ADGRV1: variants seen among roughly 807,000 people sequenced by gnomAD.
ADGRV1 encodes adhesion G protein-coupled receptor V1.
ADGRV1 carries 359 observed loss-of-function variants against 596.2 expected under a neutral mutation model. That is an observed-to-expected ratio of 0.60 (90% CI 0.55 to 0.66). ADGRV1 has a LOEUF of 0.66. Among genes scored for constraint, ADGRV1 ranks in the 30% least tolerant of loss-of-function variants. ADGRV1 has a pLI of 0.00. For missense variants in ADGRV1, 7,274 were observed against 7,575.6 expected (o/e 0.96, Z 1.48); for synonymous variants, 2,681 against 2,679.2 (o/e 1.00, Z -0.02).
At chr5:91,069,058 A>G (rs1160765889) in intron 85 of ADGRV1, among the ~76,000 whole-genome samples, 3 of 152,210 alleles carry the variant, frequency 2.0e-5, no homozygotes, top group Non-Finnish European at 2.9e-5. Context: ...TCTCTATTCA[A>G]TAAATGGTGC....
At chr5:90,915,583 G>T (rs527567183) in intron 83 of ADGRV1, among the ~76,000 whole-genome samples, 4 of 152,212 alleles carry the variant, frequency 2.6e-5, no homozygotes, top group African/African-American at 7.2e-5. Flanking sequence ...CGCTGATTGT[G>T]AGATTGGTGG....
intron 1 of ADGRV1, among the ~76,000 whole-genome samples, chr5:90,572,102 G>A (rs1385415597): frequency 1.3e-5 from 2 of 152,102 alleles, no homozygotes; most frequent in African/African-American, 4.8e-5. Context: ...TGGAATCACT[G>A]TCAGTTTTTG....
intron 76 of ADGRV1, among the ~76,000 whole-genome samples, chr5:90,825,344 A>G (rs1763984293): frequency 6.6e-6 from 1 of 152,162 alleles, no homozygotes; most frequent in African/African-American, 2.4e-5. Flanking sequence ...TTTATAAAAC[A>G]TTATCTGTTC....
At chr5:90,682,007 C>T (rs911293514) in intron 27 of ADGRV1, among the ~76,000 whole-genome samples, 1 of 152,084 alleles carries the variant, frequency 6.6e-6, no homozygotes, top group Non-Finnish European at 1.5e-5. Context: ...GCTGGGATTA[C>T]AGGCATGCAC....
chr5:90,886,137 G>A (rs893721189), intron 83 of ADGRV1, among the ~76,000 whole-genome samples: 2 of 152,130 alleles, frequency 1.3e-5, no homozygotes, highest in African/African-American at 4.8e-5. Context: ...TCGTTCTGGA[G>A]GCTGGCTATT....
At chr5:90,996,237 A>G (rs907754866) in intron 85 of ADGRV1, among the ~76,000 whole-genome samples, 1 of 152,154 alleles carries the variant, frequency 6.6e-6, no homozygotes, top group African/African-American at 2.4e-5. Context: ...GAGGCCTGGG[A>G]GGGAAAAATG....
chr5:90,876,536 A>T (rs1345910555), intron 83 of ADGRV1, among the ~76,000 whole-genome samples: 2 of 152,200 alleles, frequency 1.3e-5, no homozygotes, highest in African/African-American at 4.8e-5. Flanking sequence ...AACTCACTAG[A>T]TACTCGTGAA....
chr5:91,072,745 A>G lies in ADGRV1; in HGVS notation c.18310+141A>G, dbSNP rs1430261321. ...GCCACAAGTTAAGCTATAGCTCTCCAGTTTCTCCTGCTTCTTGGTACCTCT... is the reference window on the plus strand; with the variant it reads ...GCCACAAGTTAAGCTATAGCTCTCCGGTTTCTCCTGCTTCTTGGTACCTCT... On this transcript the variant is annotated intron_variant, in intron 86 of 89. Transcript: ENST00000405460. 3 of 754,182 alleles carry G rather than the reference A, an allele frequency of 4.0e-6. No individual in the cohort carries two copies. The African/African-American group carries it at 5.2e-5, about 13-fold the overall frequency. The allele number at this position is 754,182 out of a possible 1,614,324, so 46.7% of individuals were successfully genotyped here. A position where few individuals can be genotyped will look rare whatever the true frequency, so the allele number is the denominator to read the frequency against.
At chr5:91,018,133 G>A (rs184957746) in intron 85 of ADGRV1, among the ~76,000 whole-genome samples, 61 of 151,942 alleles carry the variant, frequency 4.0e-4, no homozygotes, top group African/African-American at 1.4e-3. Flanking sequence ...GTTCTGAAAG[G>A]GAAGGAAATA....
At chr5:90,867,749 G>A (rs892919333) in intron 83 of ADGRV1, among the ~76,000 whole-genome samples, 2 of 152,152 alleles carry the variant, frequency 1.3e-5, no homozygotes, top group African/African-American at 4.8e-5. Context: ...AGACACATAT[G>A]TAACAAGCAT....
At chr5:90,719,413 C>T (rs1401332008) in intron 43 of ADGRV1, among the ~76,000 whole-genome samples, 5 of 152,126 alleles carry the variant, frequency 3.3e-5, no homozygotes, top group African/African-American at 4.8e-5. Flanking sequence ...GTCTCTTCCC[C>T]TTTCCAGAGG....
Position 91,085,731 on chromosome 5 carries a change from TTC to T in ADGRV1, c.18310+13134_18310+13135del, listed in dbSNP as rs1406682073. On this transcript the variant is annotated intron_variant, in intron 86 of 89. Transcript: ENST00000405460. ...CACAACTGCCTCACATCTTAAATAT[TTC>T]TCTCTCCTGTAGGTCTTTCTTGTCC... Among the ~76,000 whole-genome samples the T allele has an allele frequency of 3.9e-5, 6 of 152,334 alleles. No homozygotes were observed. In the East Asian group the frequency reaches 7.7e-4, roughly 20 times the overall value.
chr5:90,561,730 T>C (rs151132774), intron 1 of ADGRV1, among the ~76,000 whole-genome samples: 71 of 152,354 alleles, frequency 4.7e-4, no homozygotes, highest in African/African-American at 1.6e-3. Flanking sequence ...TCACCATTTT[T>C]CACTTCATGT....
rs981310722 is a variant in ADGRV1 at position 90,778,034 on chromosome 5, A to G, written c.12657A>G (p.Val4219=). ...TMRDEQSAVI[V]VIQALNDDIP... is the part of the protein sequence containing the mutation. ...GAGACGAACAGTCTGCAGTCATTGT[A>G]GTAATACAGGTATCAATATTAGCTG... Residue 4219 remains valine, a synonymous_variant, in exon 62 of 90, where the codon GTA becomes GTG. Transcript: ENST00000405460. The G allele has an allele frequency of 2.6e-6, 4 of 1,566,940 alleles. No homozygotes were observed. The highest frequency in any genetic ancestry group is 2.3e-5 in the East Asian group (1 of 42,854).
chr5:90,622,905 T>C (rs1033235901), intron 5 of ADGRV1, among the ~76,000 whole-genome samples: 1 of 152,102 alleles, frequency 6.6e-6, no homozygotes, highest in Non-Finnish European at 1.5e-5. Flanking sequence ...CATGCCTGGC[T>C]AATTTTTGTA....
chr5:90,965,745 T>C (rs920174376), intron 84 of ADGRV1, among the ~76,000 whole-genome samples: 4 of 152,132 alleles, frequency 2.6e-5, no homozygotes, highest in African/African-American at 7.2e-5. Context: ...TCTAGTAGGA[T>C]TGGAAACAAG....
chr5:90,996,388 A>G (rs1431631972), intron 85 of ADGRV1, among the ~76,000 whole-genome samples: 1 of 152,238 alleles, frequency 6.6e-6, no homozygotes, highest in Admixed American at 6.5e-5. Flanking sequence ...GGTGCAAGCC[A>G]TAAGAATCCT....
chr5:90,567,809 G>A (rs186782419), intron 1 of ADGRV1, among the ~76,000 whole-genome samples: 1 of 150,598 alleles, frequency 6.6e-6, no homozygotes, highest in East Asian at 2.0e-4. Flanking sequence ...GTGCGATCTT[G>A]TCTCACTGCA....
intron 1 of ADGRV1, among the ~76,000 whole-genome samples, chr5:90,572,970 TG>T (rs1485816538): frequency 6.6e-6 from 1 of 152,152 alleles, no homozygotes; most frequent in East Asian, 1.9e-4. Flanking sequence ...CTGTATATTT[TG>T]TTAAACTCAG....
Sources: allele counts gnomAD v4.1 joint callset (sites outside exome capture counted in the v4.1 genomes callset), GRCh38; gene constraint gnomAD v4.1.1; transcripts MANE v1.5; gene names NCBI Gene and HGNC (gene_info 2026-07-23, HGNC 2026-07-21).